Variants in GPC5 observed in about 807,000 individuals in gnomAD.
The protein encoded by GPC5 is glypican-5.
GPC5 carries 47 observed loss-of-function variants against 53.9 expected under a neutral mutation model. The ratio of observed to expected loss-of-function variants is 0.87; its 90% confidence interval spans 0.69 to 1.11. The LOEUF is 1.11. Among genes scored for constraint, GPC5 ranks in the 50% most tolerant of loss-of-function variants. The pLI is 0.00. For synonymous variants in GPC5, 286 were observed against 263.3 expected (o/e 1.09, Z -0.84); for missense variants, 748 against 713.1 (o/e 1.05, Z -0.56).
intron 2 of GPC5, among the ~76,000 whole-genome samples, chr13:91,472,195 A>G (rs980770828): frequency 1.3e-5 from 2 of 152,156 alleles, no homozygotes; most frequent in Non-Finnish European, 2.9e-5. Context: ...CCTTAGGACA[A>G]TGTATAATCT....
At chr13:91,498,790 T>C (rs965851429) in intron 2 of GPC5, among the ~76,000 whole-genome samples, 4 of 151,808 alleles carry the variant, frequency 2.6e-5, no homozygotes, top group Admixed American at 6.6e-5. Context: ...GCCAACATGG[T>C]GAAACCCCGT....
chr13:92,622,274 A>G (rs918921900), intron 7 of GPC5, among the ~76,000 whole-genome samples: 4 of 152,194 alleles, frequency 2.6e-5, no homozygotes, highest in South Asian at 4.1e-4. Context: ...CCTCAGCTAC[A>G]TCGCCACAGG....
intron 7 of GPC5, among the ~76,000 whole-genome samples, chr13:92,404,586 G>A (rs1875710706): frequency 6.6e-6 from 1 of 150,864 alleles, no homozygotes. Context: ...TTAAGACCTT[G>A]AACAAATATT....
intron 7 of GPC5, among the ~76,000 whole-genome samples, chr13:92,718,733 C>T (rs915916855): frequency 1.8e-4 from 28 of 151,808 alleles, no homozygotes; most frequent in African/African-American, 6.8e-4. Context: ...CTTAGCCGGG[C>T]ATGATTGCAG....
chr13:92,517,880 A>T (rs1337083765), intron 7 of GPC5, among the ~76,000 whole-genome samples: 1 of 152,250 alleles, frequency 6.6e-6, no homozygotes, highest in African/African-American at 2.4e-5. Flanking sequence ...AACTTCTCCA[A>T]GCTAAAGGAG....
chr13:92,446,519 T>C (rs898664817), intron 7 of GPC5: 1 of 151,892 alleles, frequency 6.6e-6, no homozygotes, highest in African/African-American at 2.4e-5. Context: ...ATTTTCTTTA[T>C]CCATTCATCT....
chr13:91,897,366 T>TGC lies in GPC5; in HGVS notation c.1281-10570_1281-10569insCG, dbSNP rs1164297016. 1.3e-3 allele frequency among the ~76,000 whole-genome samples: 182 copies of TGC among 137,308 alleles called. 2 individuals carry two copies. The highest frequency in any genetic ancestry group is 2.5e-3 in the African/African-American group (93 of 37,512). The allele number at this position is 137,308 out of a possible 152,430, so 90.1% of individuals were successfully genotyped here. A position where few individuals can be genotyped will look rare whatever the true frequency, so the allele number is the denominator to read the frequency against. On this transcript the variant is annotated intron_variant, in intron 5 of 7. Transcript: ENST00000377067. The stretch of plus-strand genomic sequence containing the variant: ...GTGTGTGTGTGTGTGTGTGTGTGTG[T>TGC]GTGCGCCTGTGCATGTGTATGCATT...
At chr13:91,628,378 G>A (rs1047278684) in intron 2 of GPC5, among the ~76,000 whole-genome samples, 5 of 152,056 alleles carry the variant, frequency 3.3e-5, no homozygotes, top group African/African-American at 1.2e-4. Context: ...CAAGTGAAGA[G>A]CAGTGTAGAC....
At chr13:92,201,499 T>G (rs7987741) in intron 7 of GPC5, among the ~76,000 whole-genome samples, 1 of 152,134 alleles carries the variant, frequency 6.6e-6, no homozygotes, top group South Asian at 2.1e-4. Flanking sequence ...ACAGAAAGTT[T>G]CTAGAACACA....
At chr13:92,119,078 C>T (rs190978935) in intron 6 of GPC5, among the ~76,000 whole-genome samples, 1 of 152,290 alleles carries the variant, frequency 6.6e-6, no homozygotes, top group East Asian at 1.9e-4. Flanking sequence ...TTAACTGACT[C>T]ATAGTTCCAC....
chr13:92,154,752 A>G (rs888916060), intron 7 of GPC5, among the ~76,000 whole-genome samples: 1 of 152,224 alleles, frequency 6.6e-6, no homozygotes, highest in African/African-American at 2.4e-5. Flanking sequence ...CAAACCTGGA[A>G]TGAGCCATTT....
chr13:92,561,355 G>A (rs1185684351), intron 7 of GPC5, among the ~76,000 whole-genome samples: 2 of 151,944 alleles, frequency 1.3e-5, no homozygotes, highest in African/African-American at 4.8e-5. Flanking sequence ...TTGAGCGCGT[G>A]GTCTCTGGCT....
At chr13:92,719,577 C>G (rs1307666421) in intron 7 of GPC5, among the ~76,000 whole-genome samples, 1 of 152,002 alleles carries the variant, frequency 6.6e-6, no homozygotes, top group African/African-American at 2.4e-5. Context: ...TTTTACTGAC[C>G]TAAAAATAGA....
chr13:92,377,026 A>G (rs947450619), intron 7 of GPC5, among the ~76,000 whole-genome samples: 2 of 152,084 alleles, frequency 1.3e-5, no homozygotes, highest in African/African-American at 4.8e-5. Flanking sequence ...AATAAAAAAA[A>G]AAAAGAAAAG....
intron 2 of GPC5, among the ~76,000 whole-genome samples, chr13:91,540,759 C>T (rs770151585): frequency 3.2e-4 from 48 of 151,862 alleles, no homozygotes; most frequent in Non-Finnish European, 6.2e-4. Context: ...TTGGCTGTTC[C>T]ATTTTTGGAA....
chr13:91,606,919 T>A (rs921807777), intron 2 of GPC5, among the ~76,000 whole-genome samples: 1 of 151,376 alleles, frequency 6.6e-6, no homozygotes, highest in African/African-American at 2.4e-5. Context: ...CCTGGATTCA[T>A]TAATTTTTTG....
intron 6 of GPC5, among the ~76,000 whole-genome samples, chr13:92,111,593 A>T (rs1258619723): frequency 6.6e-6 from 1 of 151,986 alleles, no homozygotes; most frequent in East Asian, 1.9e-4. Context: ...CAAAAAAAAA[A>T]TGAAACATCA....
At chr13:92,241,659 T>A (rs1341677494) in intron 7 of GPC5, 1 of 152,184 alleles carries the variant, frequency 6.6e-6, no homozygotes, top group Non-Finnish European at 1.5e-5. Context: ...AAATAGAGAA[T>A]AACTTACAAG....
At chr13:91,962,744 T>G (rs1187609195) in intron 6 of GPC5, among the ~76,000 whole-genome samples, 2 of 152,154 alleles carry the variant, frequency 1.3e-5, no homozygotes, top group Non-Finnish European at 2.9e-5. Flanking sequence ...CAGTGGGAGT[T>G]CTCTATTAAC....
Sources: allele counts gnomAD v4.1 joint callset (sites outside exome capture counted in the v4.1 genomes callset), GRCh38; gene constraint gnomAD v4.1.1; transcripts MANE v1.5; gene names NCBI Gene and HGNC (gene_info 2026-07-23, HGNC 2026-07-21).